The following MRPS5 variants were observed in gnomAD, a reference collection of about 807,000 sequenced individuals.
MRPS5 encodes the protein small ribosomal subunit protein uS5m.
Under a neutral mutation model 51.9 loss-of-function variants are expected in MRPS5, and 27 were observed. The ratio of observed to expected loss-of-function variants is 0.52; its 90% CI spans 0.38 to 0.72. The LOEUF is 0.72. Among genes scored for constraint, MRPS5 ranks in the 30% least tolerant of loss-of-function variants. The pLI, the probability that MRPS5 is intolerant of heterozygous loss-of-function variation, is 0.00. For missense variants in MRPS5, 570 were observed against 545.7 expected (o/e 1.04, Z -0.44); for synonymous variants, 196 against 193.2 (o/e 1.01, Z -0.12).
chr2:95,094,145 G>A (rs1317284165), intron 10 of MRPS5, among the ~76,000 whole-genome samples: 1 of 152,096 alleles, frequency 6.6e-6, no homozygotes, highest in Non-Finnish European at 1.5e-5. Flanking sequence ...AGTGATTGAA[G>A]ATCAAATTAA....
rs367791599 is a variant in MRPS5, at chr2:95,115,236, T to A, written c.140-33A>T. Reference sequence around the variant, plus strand: ...CAGATGGGTTAAACTTTGAGTTAGATGTTTCACAGCTGTGGAAAAACACTG... The same window carrying A: ...CAGATGGGTTAAACTTTGAGTTAGAAGTTTCACAGCTGTGGAAAAACACTG... On this transcript the variant is annotated intron_variant, in intron 2 of 11. Coordinates refer to ENST00000272418, the MANE Select transcript of MRPS5 (RefSeq NM_031902.5). 31 of 1,509,628 alleles carry A rather than the reference T, an allele frequency of 2.1e-5. 1 individual carries two copies. In the African/African-American group the frequency reaches 4.2e-4, roughly 20 times the overall value. The allele number at this position is 1,509,628 out of a possible 1,614,324, so 93.5% of individuals were successfully genotyped here. A position where few individuals can be genotyped will look rare whatever the true frequency, so the allele number is the denominator to read the frequency against.
intron 1 of MRPS5, among the ~76,000 whole-genome samples, chr2:95,118,614 C>T (rs1361261718): frequency 6.6e-6 from 1 of 152,240 alleles, no homozygotes; most frequent in African/African-American, 2.4e-5. Flanking sequence ...TCCCCCTTCC[C>T]TCTGGAATCC....
rs1675266086 is a variant in MRPS5 at position 95,085,589 on chromosome 2, T to C, written c.*1768A>G. Among the ~76,000 whole-genome samples the C allele has an allele frequency of 1.3e-5, 2 of 152,066 alleles. No individual in the cohort carries two copies. Among genetic ancestry groups the C allele is most frequent in the South Asian group, 2.1e-4 (1 of 4,808 alleles). ...CACCATCCAGCCTAACATGGCCTGC[T>C]CCCTATCCCACGGTGCCATTAGGGT... On this transcript the variant is annotated 3_prime_UTR_variant, in exon 12 of 12. Coordinates refer to ENST00000272418, the MANE Select transcript of MRPS5 (RefSeq NM_031902.5).
chr2:95,107,839 G>A (rs1236039134), intron 5 of MRPS5, among the ~76,000 whole-genome samples: 1 of 152,148 alleles, frequency 6.6e-6, no homozygotes, highest in African/African-American at 2.4e-5. Flanking sequence ...CCCAAGCCAT[G>A]CTGCTCCACA....
At position 95,092,959 on chromosome 2, in the gene MRPS5, A is replaced by T. The variant is rs558497834; in HGVS notation, c.932-2437T>A. ...GGATTTCCCTTGCCTAGCCAAGGGA[A>T]GCTGTGACAGACTGTACCGGGAAAA... On this transcript the variant is annotated intron_variant, in intron 10 of 11. Transcript: ENST00000272418. 9.2e-5 allele frequency: 14 copies of T among 152,380 alleles called. No individual in the cohort carries two copies. The East Asian group carries it at 2.1e-3, about 23-fold the overall frequency. 9.4% of individuals were successfully genotyped at this position (152,380 alleles called of 1,614,324 possible). A position where few individuals can be genotyped will look rare whatever the true frequency, so the allele number is the denominator to read the frequency against.
intron 11 of MRPS5, among the ~76,000 whole-genome samples, chr2:95,087,911 T>A (rs1339721014): frequency 1.3e-5 from 2 of 151,628 alleles, no homozygotes; most frequent in Non-Finnish European, 2.9e-5. Context: ...TAACTACCAA[T>A]TTACAGTAAA....
At chr2:95,096,508 T>C (rs1381968334) in intron 10 of MRPS5, among the ~76,000 whole-genome samples, 1 of 152,214 alleles carries the variant, frequency 6.6e-6, no homozygotes, top group Admixed American at 6.5e-5. Context: ...GCCAGCTTTA[T>C]TCCTGGGATG....
intron 6 of MRPS5, 130 bp downstream of exon 6, chr2:95,106,293 C>T (rs1303731310): frequency 3.9e-6 from 3 of 771,736 alleles, no homozygotes; most frequent in South Asian, 3.1e-5. Context: ...TTTCCTTACG[C>T]AGATCAGCTG....
At position 95,108,225 on chromosome 2, in the gene MRPS5, T is replaced by C. The variant is rs1175587571; in HGVS notation, c.587A>G (p.Asn196Ser). 1.9e-6 allele frequency: 3 copies of C among 1,613,888 alleles called. No individual in the cohort carries two copies. Among genetic ancestry groups the C allele is most frequent in the Non-Finnish European group, 2.5e-6 (3 of 1,180,006 alleles). ...KVKRERGWSG[N>S]SWGGISLGPP... ...GCCAAGACTGATGCCTCCCCATGAGTTTCCACTCCATCCTCGCTCCCGTTT... is the reference window on the plus strand; with the variant it reads ...GCCAAGACTGATGCCTCCCCATGAGCTTCCACTCCATCCTCGCTCCCGTTT... The change falls in exon 5 of 12, where the codon AAC (asparagine) becomes AGC (serine). Residue 196 changes from asparagine (N) to serine (S), a missense_variant. By Grantham distance (46) the Asn-to-Ser change is conservative. Transcript: ENST00000272418.
intron 3 of MRPS5, among the ~76,000 whole-genome samples, chr2:95,113,914 G>T (rs1206488749): frequency 6.6e-6 from 1 of 151,848 alleles, no homozygotes; most frequent in African/African-American, 2.4e-5. Flanking sequence ...AAGTTCAAGA[G>T]ATCAAGACCA....
At chr2:95,116,701 C>G (rs1337189499) in intron 2 of MRPS5, among the ~76,000 whole-genome samples, 1 of 152,214 alleles carries the variant, frequency 6.6e-6, no homozygotes, top group Non-Finnish European at 1.5e-5. Flanking sequence ...CAAAATGGGC[C>G]AAGCCCAAAA....
At chr2:95,088,139 T>A (rs533994957) in intron 11 of MRPS5, among the ~76,000 whole-genome samples, 228 of 150,536 alleles carry the variant, frequency 1.5e-3, no homozygotes, top group African/African-American at 3.7e-3. Flanking sequence ...AAAAAAAAAA[T>A]TTTTTTTAAT....
At position 95,087,495 on chromosome 2, in the gene MRPS5, C is replaced by G; in HGVS notation, c.1155G>C (p.Ala385=). ...CCTTCCTCAAGGGCCCCCGGGGGGA[C>G]GCAACCACAATGGGCAGAGGGCCAC... ...EECGPLPIVV[A]SPRGPLRKDP... is the part of the protein sequence containing the mutation. Residue 385 remains alanine, a synonymous_variant, in exon 12 of 12, where the codon GCG becomes GCC. Coordinates refer to ENST00000272418, the MANE Select transcript of MRPS5 (RefSeq NM_031902.5). 6.2e-7 allele frequency: 1 copy of G among 1,614,148 alleles called. No homozygotes were observed. Among genetic ancestry groups the G allele is most frequent in the Middle Eastern group, 1.6e-4 (1 of 6,062 alleles).
intron 10 of MRPS5, among the ~76,000 whole-genome samples, chr2:95,099,980 C>T (rs1320008257): frequency 6.6e-6 from 1 of 152,110 alleles, no homozygotes; most frequent in African/African-American, 2.4e-5. Context: ...GCATGACTGC[C>T]CTAGCCCATG....
chr2:95,090,483 C>A lies in MRPS5; in HGVS notation c.971G>T (p.Cys324Phe). 1 of 1,614,184 alleles carries A rather than the reference C, an allele frequency of 6.2e-7. No homozygotes were observed. Among genetic ancestry groups the A allele is most frequent in the Non-Finnish European group, 8.5e-7 (1 of 1,180,044 alleles). The stretch of plus-strand genomic sequence containing the variant: ...CATGTCTTTGATGCCAATGAGCCGG[C>A]AGATGGTGATGATGGCCCTGTGGCA... The part of the protein sequence containing the change: ...LRCHRAIITI[C>F]RLIGIKDMYA... The change falls in exon 11 of 12, where the codon TGC becomes TTC. Residue 324 changes from cysteine (C) to phenylalanine (F), a missense_variant. Cys to Phe is a radical substitution (Grantham distance 205). Coordinates refer to ENST00000272418, the MANE Select transcript of MRPS5 (RefSeq NM_031902.5).
chr2:95,111,046 TATA>T (rs1182030354), intron 3 of MRPS5, among the ~76,000 whole-genome samples: 2 of 152,192 alleles, frequency 1.3e-5, no homozygotes, highest in East Asian at 1.9e-4. Flanking sequence ...GTTTTAGGGT[TATA>T]ATACTTTTAA....
intron 4 of MRPS5, among the ~76,000 whole-genome samples, chr2:95,109,487 G>A (rs1676052069): frequency 6.6e-6 from 1 of 152,244 alleles, no homozygotes; most frequent in Non-Finnish European, 1.5e-5. Context: ...ACATAACGAT[G>A]CCTATTCGAC....
Position 95,109,919 on chromosome 2 carries a change from C to T in MRPS5, c.400G>A (p.Glu134Lys). Residue 134 changes from glutamate (E) to lysine (K), a missense_variant, in exon 4 of 12, where the codon GAA becomes AAA. By Grantham distance (56) the Glu-to-Lys change is moderately conservative. Coordinates refer to ENST00000272418, the MANE Select transcript of MRPS5 (RefSeq NM_031902.5). ...KDLNRGQIIG[E>K]GRYGFLWPGL... ...CTATTTTTATAAATAAGTTTACCTT[C>T]ACCAATGATCTGACCCCTGTTCAGA... 6.2e-7 allele frequency: 1 copy of T among 1,604,156 alleles called. No individual in the cohort carries two copies. The highest frequency in any genetic ancestry group is 8.5e-7 in the Non-Finnish European group (1 of 1,178,024).
At chr2:95,106,717 A>G (rs1374784828) in intron 5 of MRPS5, 1 of 521,156 alleles carries the variant, frequency 1.9e-6, no homozygotes, top group Admixed American at 3.3e-5. Flanking sequence ...GCCCCTCCAG[A>G]CCCTGGATCC....
Sources: gnomAD v4.1 joint callset for allele counts (sites outside exome capture counted in the v4.1 genomes callset) on GRCh38, gnomAD v4.1.1 for gene constraint, MANE v1.5 for transcripts, NCBI Gene and HGNC (gene_info 2026-07-23, HGNC 2026-07-21) for gene names.